TDRD5: variants seen among roughly 807,000 people sequenced by gnomAD.
TDRD5 encodes the protein tudor domain-containing protein 5.
TDRD5 carries 41 observed loss-of-function variants against 120.6 expected under a neutral mutation model. The observed-to-expected ratio is 0.34, with a 90% CI of 0.26 to 0.44. The LOEUF (loss-of-function observed/expected upper bound fraction) is 0.44. Among genes scored for constraint, TDRD5 ranks in the 20% least tolerant of loss-of-function variants. The probability of loss-of-function intolerance (pLI) is 1.00; values close to 1 mark genes in which losing one functional copy is unlikely to be tolerated. For synonymous variants in TDRD5, 430 were observed against 433.7 expected (o/e 0.99, Z 0.11); for missense variants, 1,006 against 1,221.2 (o/e 0.82, Z 2.63).
chr1:179,643,879 C>T (rs984011069), intron 11 of TDRD5, among the ~76,000 whole-genome samples: 11 of 152,048 alleles, frequency 7.2e-5, no homozygotes, highest in African/African-American at 2.4e-4. Flanking sequence ...ACAAAGAAAA[C>T]CATACCTAGG....
upstream of TDRD5, chr1:179,591,789 G>A (rs1675117372): frequency 6.6e-6 from 1 of 152,400 alleles, no homozygotes; most frequent in African/African-American, 2.4e-5. Context: ...GCTGGAACGC[G>A]GCGCCCCGGG....
At position 179,599,703 on chromosome 1, in the gene TDRD5, A is replaced by G. The variant is rs530013774; in HGVS notation, c.831+3885A>G. On this transcript the variant is annotated intron_variant, in intron 4 of 17. Transcript: ENST00000444136. ...CTCTTTATCTGTCTCTATCTCTCTC[A>G]TACACATATCAGTCTCACTAAAGAT... Among the ~76,000 whole-genome samples, 584 of 152,178 alleles carry G rather than the reference A, an allele frequency of 3.8e-3. 2 individuals carry two copies. The highest frequency in any genetic ancestry group is 6.8e-3 in the Middle Eastern group (2 of 294).
chr1:179,669,653 G>GT (rs1679750914), intron 17 of TDRD5, among the ~76,000 whole-genome samples: 1 of 151,976 alleles, frequency 6.6e-6, no homozygotes, highest in African/African-American at 2.4e-5. Flanking sequence ...AGTAAAATTT[G>GT]CTGGTTGTCA....
At chr1:179,610,500 A>G (rs573577973) in intron 4 of TDRD5, among the ~76,000 whole-genome samples, 2 of 152,298 alleles carry the variant, frequency 1.3e-5, no homozygotes, top group East Asian at 1.9e-4. Context: ...TGACCTCCAG[A>G]AAAGTATCAA....
intron 5 of TDRD5, among the ~76,000 whole-genome samples, chr1:179,620,030 A>C (rs1470704621): frequency 6.6e-6 from 1 of 152,180 alleles, no homozygotes; most frequent in East Asian, 1.9e-4. Flanking sequence ...AAGTTTATAT[A>C]TGTCTCTCTC....
chr1:179,618,530 C>T (rs2101965964), intron 4 of TDRD5, 69 bp from the exon 5 acceptor site: 1 of 1,170,674 alleles, frequency 8.5e-7, no homozygotes, highest in Non-Finnish European at 1.2e-6. Context: ...TTACATATTG[C>T]TTAGATCTAC....
intron 4 of TDRD5, among the ~76,000 whole-genome samples, chr1:179,617,167 G>GA (rs891036883): frequency 1.3e-5 from 2 of 152,106 alleles, no homozygotes; most frequent in African/African-American, 4.8e-5. Context: ...AAATGCCCAA[G>GA]AAAATGTGAA....
In TDRD5 at chr1:179,592,829, G is replaced by C; in HGVS notation, c.214G>C (p.Gly72Arg). 1 of 1,614,080 alleles carries C rather than the reference G, an allele frequency of 6.2e-7. No individual in the cohort carries two copies. The highest frequency in any genetic ancestry group is 8.5e-7 in the Non-Finnish European group (1 of 1,180,002). Residue 72 changes from glycine (G) to arginine (R), a missense_variant, in exon 2 of 18, where the codon GGT becomes CGT. Coordinates refer to ENST00000444136, the MANE Select transcript of TDRD5 (RefSeq NM_001199085.3). ...TGTTCGTGTCTGCCCCGGTGCAGGT[G>C]GTACTGTAATACTGAAAGGTAGGTT... is the stretch of plus-strand genomic sequence containing the variant. The part of the protein sequence containing the change: ...DVVRVCPGAG[G>R]TVILKAIPDE...
rs1036416943 is a variant in TDRD5, at chr1:179,690,609, A to T, written c.2861-87A>T. ...ACCTAACAGAAAATGATTGTAACAC[A>T]TATTAGTATAGAACTAGAATGGGGG... On this transcript the variant is annotated intron_variant, in intron 17 of 17. Coordinates refer to ENST00000444136, the MANE Select transcript of TDRD5 (RefSeq NM_001199085.3). The T allele has an allele frequency of 1.2e-5, 18 of 1,513,066 alleles. No homozygotes were observed. The African/African-American group carries it at 2.2e-4, about 19-fold the overall frequency. The allele number at this position is 1,513,066 out of a possible 1,614,324, so 93.7% of individuals were successfully genotyped here.
At chr1:179,640,541 T>A in intron 11 of TDRD5, 96 bp downstream of exon 11, 1 of 1,287,188 alleles carries the variant, frequency 7.8e-7, no homozygotes, top group Non-Finnish European at 1.1e-6. Context: ...AGATAAAACG[T>A]AGAACCAGCC....
At chr1:179,655,167 C>A (rs1678932239) in intron 14 of TDRD5, among the ~76,000 whole-genome samples, 1 of 151,996 alleles carries the variant, frequency 6.6e-6, no homozygotes, top group Admixed American at 6.6e-5. Context: ...TTTGTTATTT[C>A]CTGATTTTTC....
chr1:179,614,111 G>C (rs974813522), intron 4 of TDRD5, among the ~76,000 whole-genome samples: 2 of 152,074 alleles, frequency 1.3e-5, no homozygotes, highest in African/African-American at 4.8e-5. Context: ...AATATAGATT[G>C]ATTACAGAAA....
rs1457959913 is a variant in TDRD5 at position 179,662,173 on chromosome 1, T to C, written c.2392T>C (p.Trp798Arg). 6.2e-7 allele frequency: 1 copy of C among 1,611,902 alleles called. No homozygotes were observed. Residue 798 changes from tryptophan to arginine, a missense_variant, in exon 15 of 18, where the codon TGG becomes CGG. Coordinates refer to ENST00000444136, the MANE Select transcript of TDRD5 (RefSeq NM_001199085.3). ...AGGTGATGATATTTGGGATGAGAAC[T>C]GGTTACCTCTACAGGCTAAGATGGG... ...TIGDDIWDENWLPLQAKMGKG... is the reference protein window; with the variant it reads ...TIGDDIWDENRLPLQAKMGKG...
intron 17 of TDRD5, among the ~76,000 whole-genome samples, chr1:179,688,084 A>G (rs1680846784): frequency 6.6e-6 from 1 of 152,094 alleles, no homozygotes; most frequent in Admixed American, 6.5e-5. Flanking sequence ...TGATCCTGTC[A>G]TTATGATGTT....
At chr1:179,667,574 T>TAATA (rs145312936) in intron 16 of TDRD5, among the ~76,000 whole-genome samples, 61,576 of 151,680 alleles carry the variant, frequency 0.41, 12,613 homozygotes, top group Admixed American at 0.45. Flanking sequence ...TTTATGATAT[T>TAATA]AATATTGATT....
rs572468305 is a variant in TDRD5 at position 179,609,327 on chromosome 1, A to C, written c.832-9272A>C. On this transcript the variant is annotated intron_variant, in intron 4 of 17. Coordinates refer to ENST00000444136, the MANE Select transcript of TDRD5 (RefSeq NM_001199085.3). ...TATGTTTCATATATACCTTATACAC[A>C]TAAGCTGAAGGCAATTTTATACAAT... Among the ~76,000 whole-genome samples the C allele has an allele frequency of 3.9e-5, 6 of 152,326 alleles. No homozygotes were observed. In the South Asian group the frequency reaches 1.2e-3, roughly 32 times the overall value.
intron 4 of TDRD5, among the ~76,000 whole-genome samples, chr1:179,608,543 T>C (rs1171293557): frequency 6.6e-6 from 1 of 152,152 alleles, no homozygotes; most frequent in African/African-American, 2.4e-5. Context: ...GAATGTAACC[T>C]AATTCCATCC....
chr1:179,640,497 G>T (rs141131816), intron 11 of TDRD5, 52 bp downstream of exon 11: 1 of 1,551,492 alleles, frequency 6.4e-7, no homozygotes, highest in Middle Eastern at 1.7e-4. Context: ...TGCCTATTAT[G>T]TGCCAATAAC....
intron 17 of TDRD5, among the ~76,000 whole-genome samples, chr1:179,689,700 C>T (rs1005681568): frequency 6.6e-6 from 1 of 152,172 alleles, no homozygotes; most frequent in African/African-American, 2.4e-5. Context: ...GTGGGCTCCA[C>T]TCAATTCGAG....
Sources: allele counts gnomAD v4.1 joint callset (sites outside exome capture counted in the v4.1 genomes callset), GRCh38; gene constraint gnomAD v4.1.1; transcripts MANE v1.5; gene names NCBI Gene and HGNC (gene_info 2026-07-23, HGNC 2026-07-21).